SLC66A3: variants seen among roughly 807,000 people sequenced by gnomAD.
SLC66A3 encodes the protein PQ loop repeat containing 3.
A neutral mutation model predicts 25.5 loss-of-function variants in SLC66A3; 23 were observed. The ratio of observed to expected loss-of-function variants is 0.90; its 90% CI spans 0.65 to 1.28. The LOEUF (loss-of-function observed/expected upper bound fraction) is 1.28, where lower values mean the gene tolerates loss of function less well. SLC66A3 is among the 50% of genes most tolerant of loss of function. SLC66A3 has a pLI of 0.00. For missense variants in SLC66A3, 246 were observed against 262.1 expected (o/e 0.94, Z 0.42); for synonymous variants, 108 against 112.6 (o/e 0.96, Z 0.26).
intron 1 of SLC66A3, among the ~76,000 whole-genome samples, chr2:11,156,538 TG>T (rs1490047270): frequency 1.7e-4 from 25 of 147,888 alleles, no homozygotes; most frequent in Admixed American, 8.1e-4. Context: ...GTGGGCGGGG[TG>T]GGGGGTGCGG....
intron 3 of SLC66A3, among the ~76,000 whole-genome samples, chr2:11,163,236 T>C (rs1057199582): frequency 6.6e-6 from 1 of 152,216 alleles, no homozygotes; most frequent in African/African-American, 2.4e-5. Context: ...AAATCATCTG[T>C]AGGATCTCAG....
intron 4 of SLC66A3, 74 bp from the exon 5 acceptor site, chr2:11,171,847 TGTGA>T: frequency 6.6e-7 from 1 of 1,511,184 alleles, no homozygotes; most frequent in South Asian, 1.2e-5. Flanking sequence ...GAATTACAGG[TGTGA>T]GCCACCGCAC....
At chr2:11,169,917 C>T (rs191235301) in intron 4 of SLC66A3, among the ~76,000 whole-genome samples, 38 of 139,962 alleles carry the variant, frequency 2.7e-4, no homozygotes, top group Non-Finnish European at 5.5e-4. Context: ...TGGCTCACTG[C>T]AACCTCCACC....
Position 11,155,521 on chromosome 2 carries a change from G to T in SLC66A3, c.-26G>T, listed in dbSNP as rs1355336910. On this transcript the variant is annotated 5_prime_UTR_variant, in exon 1 of 7. Transcript: ENST00000295083. ...TGAGCGGTCCCTTCTCGCTGCGGCC[G>T]CCCAGGTGCCCGCGCCCGTGGCGCT... 9 of 1,481,708 alleles carry T rather than the reference G, an allele frequency of 6.1e-6. No homozygotes were observed. The African/African-American group carries it at 1.0e-4, about 17-fold the overall frequency. 91.8% of individuals were successfully genotyped at this position (1,481,708 alleles called of 1,614,324 possible).
chr2:11,163,537 C>T (rs372292154), intron 3 of SLC66A3, among the ~76,000 whole-genome samples: 6 of 152,160 alleles, frequency 3.9e-5, no homozygotes, highest in African/African-American at 1.2e-4. Context: ...GTCGGTGCTA[C>T]GTGCTTGTAG....
At chr2:11,165,339 A>G (rs1471466333) in intron 4 of SLC66A3, among the ~76,000 whole-genome samples, 1 of 148,898 alleles carries the variant, frequency 6.7e-6, no homozygotes, top group African/African-American at 2.5e-5. Context: ...CACATCTCAG[A>G]CGATGGGCGA....
Position 11,155,525 on chromosome 2 carries a change from A to T in SLC66A3, c.-22A>T, listed in dbSNP as rs1271709395. 3.4e-6 allele frequency: 5 copies of T among 1,484,266 alleles called. No individual in the cohort carries two copies. The highest frequency in any genetic ancestry group is 4.4e-6 in the Non-Finnish European group (5 of 1,125,768). 91.9% of individuals were successfully genotyped at this position (1,484,266 alleles called of 1,614,324 possible). On this transcript the variant is annotated 5_prime_UTR_variant, in exon 1 of 7. Transcript: ENST00000295083. ...CGGTCCCTTCTCGCTGCGGCCGCCCAGGTGCCCGCGCCCGTGGCGCTATGG... is the reference window on the plus strand; with the variant it reads ...CGGTCCCTTCTCGCTGCGGCCGCCCTGGTGCCCGCGCCCGTGGCGCTATGG...
intron 6 of SLC66A3, 32 bp from the exon 7 acceptor site, chr2:11,177,705 C>A: frequency 7.0e-7 from 1 of 1,424,518 alleles, no homozygotes; most frequent in Non-Finnish European, 9.8e-7. Context: ...ATTGTAAAGA[C>A]AGTTTTTAAT....
chr2:11,168,892 CTGT>C (rs1388157201), intron 4 of SLC66A3, among the ~76,000 whole-genome samples: 1 of 151,992 alleles, frequency 6.6e-6, no homozygotes, highest in Non-Finnish European at 1.5e-5. Context: ...GAGTCTGACC[CTGT>C]TGTTCAGGCT....
At chr2:11,160,316 ATT>A (rs1447500550) in intron 1 of SLC66A3, 148 bp from the exon 2 acceptor site, 4 of 679,670 alleles carry the variant, frequency 5.9e-6, no homozygotes, top group Non-Finnish European at 1.0e-5. Flanking sequence ...AATTCCATCT[ATT>A]TTGTTCTAAA....
chr2:11,167,654 T>G (rs533346215), intron 4 of SLC66A3, among the ~76,000 whole-genome samples: 2 of 152,310 alleles, frequency 1.3e-5, no homozygotes, highest in South Asian at 4.1e-4. Flanking sequence ...CCTCCTTCAC[T>G]GACTCAATGA....
chr2:11,168,063 A>AATG (rs1558255840), intron 4 of SLC66A3, among the ~76,000 whole-genome samples: 6 of 152,096 alleles, frequency 3.9e-5, no homozygotes, highest in African/African-American at 1.4e-4. Context: ...GGCGGATCAC[A>AATG]AGGTCAGGAG....
Position 11,164,345 on chromosome 2 carries a change from A to ATATATATATATTTTT in SLC66A3, c.354+85_354+86insATATATATATTTTTT. 9.2e-4 allele frequency: 85 copies of ATATATATATATTTTT among 92,804 alleles called. 1 individual carries two copies. The highest frequency in any genetic ancestry group is 1.9e-3 in the African/African-American group (41 of 21,756). The allele number at this position is 92,804 out of a possible 1,614,324, so 5.7% of individuals were successfully genotyped here. Reference sequence around the variant, plus strand: ...TAGATATTTATATATATATATATATATTTTTTTTTTTTTGAAATGGAGTTT... The same window carrying ATATATATATATTTTT: ...TAGATATTTATATATATATATATATATATATATATATTTTTTTTTTTTTTTTTTGAAATGGAGTTT... On this transcript the variant is annotated intron_variant, in intron 4 of 6. Transcript: ENST00000295083.
In SLC66A3 at chr2:11,174,998, A is replaced by G. The variant is rs758128175; in HGVS notation, c.506A>G (p.Asn169Ser). 9.3e-6 allele frequency: 15 copies of G among 1,608,382 alleles called. No individual in the cohort carries two copies. The highest frequency in any genetic ancestry group is 4.5e-5 in the South Asian group (4 of 89,150). ...TRIITTLMTT[N>S]DFTILLRFVI... Reference sequence around the variant, plus strand: ...ATAATCACAACCTTAATGACCACCAATGATTTTACAAGTAAGCAAAATATC... The same window carrying G: ...ATAATCACAACCTTAATGACCACCAGTGATTTTACAAGTAAGCAAAATATC... Residue 169 changes from asparagine to serine, a missense_variant, in exon 6 of 7, where the codon AAT becomes AGT. Around this residue, in one of 3 missense-constraint regions of SLC66A3, gnomAD observed 93 missense variants for 102.6 expected, o/e 0.91. Coordinates refer to ENST00000295083, the MANE Select transcript of SLC66A3 (RefSeq NM_152391.5).
At chr2:11,160,104 G>A (rs887164661) in intron 1 of SLC66A3, among the ~76,000 whole-genome samples, 13 of 152,212 alleles carry the variant, frequency 8.5e-5, no homozygotes, top group Non-Finnish European at 1.6e-4. Flanking sequence ...GCCGGGGTCA[G>A]TGGGAGCCCA....
intron 6 of SLC66A3, 80 bp downstream of exon 6, chr2:11,175,089 TAATGG>T: frequency 9.6e-7 from 1 of 1,046,806 alleles, no homozygotes; most frequent in East Asian, 2.5e-5. Flanking sequence ...TCTTAGGGTT[TAATGG>T]ATGGACTTGG....
At chr2:11,176,000 G>A (rs1279553445) in intron 6 of SLC66A3, among the ~76,000 whole-genome samples, 1 of 152,202 alleles carries the variant, frequency 6.6e-6, no homozygotes, top group Non-Finnish European at 1.5e-5. Flanking sequence ...TCTGGTCAAA[G>A]CATAAACTTT....
In SLC66A3 at chr2:11,160,707, A is replaced by G; in HGVS notation, c.296+13A>G. On this transcript the variant is annotated intron_variant, in intron 3 of 6. Coordinates refer to ENST00000295083, the MANE Select transcript of SLC66A3 (RefSeq NM_152391.5). ...CTTACATCGCTGTGTATCCTTTCTG[A>G]ATCTGAGCCAGAAGTGGGAACGGGG... 1.2e-6 allele frequency: 2 copies of G among 1,613,530 alleles called. No homozygotes were observed. Among genetic ancestry groups the G allele is most frequent in the Admixed American group, 1.7e-5 (1 of 59,984 alleles).
rs1217737376 is a variant in SLC66A3, at chr2:11,171,938, T to C, written c.368T>C (p.Phe123Ser). The C allele has an allele frequency of 3.1e-6, 5 of 1,614,030 alleles. No individual in the cohort carries two copies. The highest frequency in any genetic ancestry group is 4.2e-6 in the Non-Finnish European group (5 of 1,179,960). Residue 123 changes from phenylalanine (F) to serine (S), a missense_variant, in exon 5 of 7, where the codon TTC becomes TCC. Transcript: ENST00000295083. ...IIDLAMNLCT[F>S]ISAASKFAQL... ...ATCTGCAAACAGAATCTATGTACTT[T>C]CATCAGCGCGGCCAGTAAGTTTGCA...
Sources: allele counts gnomAD v4.1 joint callset (sites outside exome capture counted in the v4.1 genomes callset), GRCh38; gene constraint gnomAD v4.1.1; regional missense constraint gnomAD v4.1.1; transcripts MANE v1.5; gene names NCBI Gene and HGNC (gene_info 2026-07-23, HGNC 2026-07-21).